HVCN1: variants seen among roughly 807,000 people sequenced by gnomAD.
HVCN1 encodes the protein hydrogen voltage gated channel 1, also known as voltage-gated hydrogen channel 1.
A neutral mutation model predicts 29.2 loss-of-function variants in HVCN1; 14 were observed. The ratio of observed to expected loss-of-function variants is 0.48; its 90% CI spans 0.32 to 0.75. HVCN1 has a LOEUF of 0.75. Ranked by LOEUF, HVCN1 falls within the 30% of genes least tolerant of loss-of-function variation. HVCN1 has a pLI of 0.04. For missense variants in HVCN1, 263 were observed against 341.8 expected, an observed-to-expected ratio of 0.77 and a Z score of 1.82; for synonymous variants, 131 against 133.2, an observed-to-expected ratio of 0.98 and a Z score of 0.11.
At chr12:110,699,593 A>G (rs1212967545) in intron 2 of HVCN1, among the ~76,000 whole-genome samples, 1 of 151,962 alleles carries the variant, frequency 6.6e-6, no homozygotes, top group African/African-American at 2.4e-5. Context: ...TAAGGGACAC[A>G]CTCGAAGTGC....
intron 3 of HVCN1, among the ~76,000 whole-genome samples, chr12:110,662,261 C>T (rs1321591237): frequency 1.3e-5 from 2 of 152,072 alleles, no homozygotes; most frequent in Non-Finnish European, 2.9e-5. Context: ...CCCCACCTTG[C>T]CCCCCACACA....
At position 110,650,296 on chromosome 12, in the gene HVCN1, G is replaced by T. The variant is rs752527488; in HGVS notation, c.644-16C>A. On this transcript the variant is annotated splice_polypyrimidine_tract_variant and intron_variant, in intron 6 of 7. Transcript: ENST00000242607. ...ATGATAATCCCTGAAATAAAATTGG[G>T]GGTCTCAGTGATACTGGTTTCTAAC... 1 of 1,499,360 alleles carries T rather than the reference G, an allele frequency of 6.7e-7. No individual in the cohort carries two copies. The highest frequency in any genetic ancestry group is 1.7e-5 in the Admixed American group (1 of 59,770). The allele number at this position is 1,499,360 out of a possible 1,614,324, so 92.9% of individuals were successfully genotyped here. A position where few individuals can be genotyped will look rare whatever the true frequency, so the allele number is the denominator to read the frequency against.
At chr12:110,691,132 G>A (rs530074174), upstream of HVCN1, among the ~76,000 whole-genome samples, 37 of 151,602 alleles carry the variant, frequency 2.4e-4, no homozygotes, top group African/African-American at 9.0e-4. Context: ...GCGCGACCTC[G>A]GCTCACTGCA....
intron 3 of HVCN1, among the ~76,000 whole-genome samples, chr12:110,680,314 G>C (rs974375830): frequency 3.3e-5 from 5 of 151,958 alleles, no homozygotes; most frequent in Non-Finnish European, 5.9e-5. Context: ...GTTGTGCATT[G>C]CAATCCCTAC....
At chr12:110,695,991 C>T (rs2069483902) in intron 2 of HVCN1, among the ~76,000 whole-genome samples, 1 of 144,280 alleles carries the variant, frequency 6.9e-6, no homozygotes, top group Non-Finnish European at 1.5e-5. Flanking sequence ...TCATTCTTGT[C>T]GCCCAGGCTG....
chr12:110,678,616 A>G lies in HVCN1; in HGVS notation c.21+4609T>C, dbSNP rs2068837356. On this transcript the variant is annotated intron_variant, in intron 3 of 7. Transcript: ENST00000242607. ...CAGGTATGCACCACCACGCCTGGCT[A>G]ATTTTTTGTATTTTTAATAGAGATG... is the stretch of plus-strand genomic sequence containing the variant. Among the ~76,000 whole-genome samples the G allele has an allele frequency of 4.6e-5, 7 of 151,698 alleles. No individual in the cohort carries two copies. In the South Asian group the frequency reaches 1.5e-3, roughly 32 times the overall value.
rs2068759697 is a variant in HVCN1, at chr12:110,676,640, A to G, written c.21+6585T>C. On this transcript the variant is annotated intron_variant, in intron 3 of 7. Transcript: ENST00000242607. The surrounding 1 kb of genome is among the most constrained non-coding windows in gnomAD (Gnocchi z 4.1). Reference sequence around the variant, plus strand: ...TCTCTAAGGAACTGCTCTGCTTGCAAACACTTCACACATCTTGTCACAACT... The same window carrying G: ...TCTCTAAGGAACTGCTCTGCTTGCAGACACTTCACACATCTTGTCACAACT... Among the ~76,000 whole-genome samples the G allele has an allele frequency of 6.6e-6, 1 of 152,074 alleles. No homozygotes were observed. The highest frequency in any genetic ancestry group is 6.6e-5 in the Admixed American group (1 of 15,246).
upstream of HVCN1, among the ~76,000 whole-genome samples, chr12:110,693,977 AC>A (rs1179535445): frequency 5.3e-5 from 8 of 152,110 alleles, no homozygotes; most frequent in East Asian, 1.5e-3. Context: ...TCCTTGCCCC[AC>A]CCCCGGTCCT....
chr12:110,674,205 T>C (rs1019390300), intron 3 of HVCN1, among the ~76,000 whole-genome samples: 1 of 152,248 alleles, frequency 6.6e-6, no homozygotes, highest in African/African-American at 2.4e-5. Flanking sequence ...ACTGCCCCAC[T>C]GGATTTCAGA....
At chr12:110,662,822 T>C (rs73194012) in intron 3 of HVCN1, among the ~76,000 whole-genome samples, 20,612 of 152,148 alleles carry the variant, frequency 0.14, 1,829 homozygotes, top group African/African-American at 0.25. Context: ...AGTTAAAAGA[T>C]ATACTACAGA....
At chr12:110,671,811 C>T (rs909525428) in intron 3 of HVCN1, among the ~76,000 whole-genome samples, 6 of 152,186 alleles carry the variant, frequency 3.9e-5, no homozygotes, top group African/African-American at 7.2e-5. Context: ...CACCTGCTGT[C>T]GCTTGATACT....
intron 3 of HVCN1, among the ~76,000 whole-genome samples, chr12:110,678,707 C>A (rs1321024359): frequency 5.3e-5 from 8 of 152,144 alleles, no homozygotes; most frequent in Admixed American, 5.2e-4. Context: ...CTGCCTTGGC[C>A]TCCCAAAGTG....
At chr12:110,679,714 G>A (rs2068878931) in intron 3 of HVCN1, among the ~76,000 whole-genome samples, 1 of 152,148 alleles carries the variant, frequency 6.6e-6, no homozygotes, top group Non-Finnish European at 1.5e-5. Context: ...TTAGCTGGGC[G>A]CGGTGGCGGG....
At chr12:110,659,839 G>A (rs956321797) in intron 4 of HVCN1, among the ~76,000 whole-genome samples, 1 of 152,112 alleles carries the variant, frequency 6.6e-6, no homozygotes, top group Admixed American at 6.5e-5. Flanking sequence ...AGGCTGACAC[G>A]GGTGGATCAC....
intron 3 of HVCN1, among the ~76,000 whole-genome samples, chr12:110,671,619 T>G (rs1344351072): frequency 6.6e-6 from 1 of 152,172 alleles, no homozygotes; most frequent in Admixed American, 6.5e-5. Flanking sequence ...GTGCCTGAGT[T>G]AGCCAGGATG....
intron 3 of HVCN1, among the ~76,000 whole-genome samples, chr12:110,666,908 T>C (rs2068382503): frequency 2.0e-5 from 3 of 152,184 alleles, no homozygotes; most frequent in Admixed American, 2.0e-4. Context: ...CCACATATTT[T>C]TATCCCTCCT....
chr12:110,702,641 C>A (rs11503162), intron 1 of HVCN1, among the ~76,000 whole-genome samples: 3,768 of 151,346 alleles, frequency 0.025, 130 homozygotes, highest in African/African-American at 0.081. Flanking sequence ...CGCCACCATG[C>A]CTGGCTAATT....
At chr12:110,692,180 A>G (rs562137360), upstream of HVCN1, among the ~76,000 whole-genome samples, 6 of 152,196 alleles carry the variant, frequency 3.9e-5, no homozygotes, top group Non-Finnish European at 7.3e-5. Context: ...CTACTATTCA[A>G]CATTTCACTG....
At chr12:110,691,708 A>G (rs1018078382), upstream of HVCN1, among the ~76,000 whole-genome samples, 2 of 152,146 alleles carry the variant, frequency 1.3e-5, no homozygotes, top group Admixed American at 1.3e-4. Flanking sequence ...ACAGGTGGTG[A>G]CCTCAACAGA....
Sources: allele counts gnomAD v4.1 joint callset (sites outside exome capture counted in the v4.1 genomes callset), GRCh38; gene constraint gnomAD v4.1.1; non-coding constraint Gnocchi (gnomAD v3.1); transcripts MANE v1.5; gene names NCBI Gene and HGNC (gene_info 2026-07-23, HGNC 2026-07-21).